Variants in TMEM163 observed in about 807,000 individuals in gnomAD.
The protein encoded by TMEM163 is transmembrane protein 163.
TMEM163 carries 17 observed loss-of-function variants against 29.3 expected under a neutral mutation model. The observed-to-expected ratio is 0.58, with a 90% confidence interval of 0.40 to 0.87. The LOEUF (loss-of-function observed/expected upper bound fraction) is 0.87, where lower values mean the gene tolerates loss of function less well. Ranked by LOEUF, TMEM163 falls within the 40% of genes least tolerant of loss-of-function variation. TMEM163 has a pLI of 0.00. For synonymous variants in TMEM163, 157 were observed against 160.6 expected, an observed-to-expected ratio of 0.98 and a Z score of 0.17; for missense variants, 303 against 381.5, an observed-to-expected ratio of 0.79 and a Z score of 1.71.
At chr2:134,618,344 C>G (rs575133434) in intron 2 of TMEM163, among the ~76,000 whole-genome samples, 80 of 152,032 alleles carry the variant, frequency 5.3e-4, no homozygotes, top group African/African-American at 1.8e-3. Context: ...TCAAAAGGGT[C>G]AATACATAAG....
intron 4 of TMEM163, among the ~76,000 whole-genome samples, chr2:134,525,901 G>T (rs1004650651): frequency 6.6e-6 from 1 of 152,224 alleles, no homozygotes; most frequent in Non-Finnish European, 1.5e-5. Context: ...AGATAAGTTA[G>T]GTGGAAGGCA....
chr2:134,706,858 G>A (rs923006725), intron 2 of TMEM163, among the ~76,000 whole-genome samples: 6 of 152,206 alleles, frequency 3.9e-5, no homozygotes, highest in African/African-American at 1.2e-4. Context: ...TCCGTACTCC[G>A]TGTGCTGTCT....
At chr2:134,458,983 T>C (rs747484759) in intron 6 of TMEM163, 1 of 152,060 alleles carries the variant, frequency 6.6e-6, no homozygotes, top group African/African-American at 2.4e-5. Context: ...TTACCAGAGC[T>C]GTCAAAGGCC....
At chr2:134,642,107 G>T (rs1683235004) in intron 2 of TMEM163, among the ~76,000 whole-genome samples, 1 of 151,912 alleles carries the variant, frequency 6.6e-6, no homozygotes, top group Non-Finnish European at 1.5e-5. Context: ...GAAAAAGATT[G>T]GTTATTAAGA....
intron 2 of TMEM163, among the ~76,000 whole-genome samples, chr2:134,701,663 A>C (rs1053599594): frequency 2.0e-5 from 3 of 152,154 alleles, no homozygotes; most frequent in Admixed American, 6.5e-5. Context: ...TAATCCCTGC[A>C]CTTTGGGAGG....
intron 2 of TMEM163, among the ~76,000 whole-genome samples, chr2:134,698,937 C>T (rs1345463171): frequency 6.6e-6 from 1 of 152,164 alleles, no homozygotes; most frequent in Non-Finnish European, 1.5e-5. Flanking sequence ...TTATTGGATG[C>T]ATGGCTCCAC....
chr2:134,688,731 G>T (rs2104881291), intron 2 of TMEM163, among the ~76,000 whole-genome samples: 1 of 152,272 alleles, frequency 6.6e-6, no homozygotes, highest in African/African-American at 2.4e-5. Context: ...TATTAATCCT[G>T]TTCTAATGTC....
At chr2:134,662,024 C>T (rs1055448517) in intron 2 of TMEM163, among the ~76,000 whole-genome samples, 2 of 151,058 alleles carry the variant, frequency 1.3e-5, no homozygotes, top group East Asian at 1.9e-4. Context: ...CTCCACCTCC[C>T]GGGTTTACTT....
At chr2:134,567,034 T>C (rs2104781728) in intron 2 of TMEM163, among the ~76,000 whole-genome samples, 1 of 152,332 alleles carries the variant, frequency 6.6e-6, no homozygotes, top group South Asian at 2.1e-4. Flanking sequence ...AAATTCCAGA[T>C]GATTTCCTCA....
chr2:134,585,614 C>T (rs561128730), intron 2 of TMEM163, among the ~76,000 whole-genome samples: 8 of 152,168 alleles, frequency 5.3e-5, no homozygotes, highest in South Asian at 2.1e-4. Flanking sequence ...CGGTGGCGGG[C>T]ACCTGTAGTC....
chr2:134,530,488 ACTGGTCTCAAACTC>A (rs1680394742), intron 4 of TMEM163, among the ~76,000 whole-genome samples: 1 of 151,988 alleles, frequency 6.6e-6, no homozygotes, highest in South Asian at 2.1e-4. Flanking sequence ...TGTTGCCCAG[ACTGGTCTCAAACTC>A]CTAGGCTCAA....
At chr2:134,648,021 A>G (rs1429822975) in intron 2 of TMEM163, among the ~76,000 whole-genome samples, 2 of 152,252 alleles carry the variant, frequency 1.3e-5, no homozygotes, top group Non-Finnish European at 2.9e-5. Flanking sequence ...TCAGCGTGAC[A>G]GCCTTTTGCA....
chr2:134,513,001 G>A (rs1345158740), intron 4 of TMEM163, among the ~76,000 whole-genome samples: 1 of 152,220 alleles, frequency 6.6e-6, no homozygotes, highest in Non-Finnish European at 1.5e-5. Context: ...AGGTAAGGAT[G>A]TGGCAAATGA....
chr2:134,522,232 C>G (rs1392045418), intron 4 of TMEM163, among the ~76,000 whole-genome samples: 1 of 152,232 alleles, frequency 6.6e-6, no homozygotes, highest in African/African-American at 2.4e-5. Context: ...GGCACAATTA[C>G]TGCCAGGCCA....
intron 2 of TMEM163, among the ~76,000 whole-genome samples, chr2:134,580,740 C>T (rs1393865580): frequency 6.6e-6 from 1 of 152,150 alleles, no homozygotes; most frequent in Non-Finnish European, 1.5e-5. Flanking sequence ...GGTGAAACCC[C>T]ATCTGTACCA....
chr2:134,640,759 A>T (rs1235706326), intron 2 of TMEM163, among the ~76,000 whole-genome samples: 1 of 152,200 alleles, frequency 6.6e-6, no homozygotes, highest in Non-Finnish European at 1.5e-5. Context: ...GCCAAGCTCC[A>T]TCCCCATAGC....
intron 2 of TMEM163, among the ~76,000 whole-genome samples, chr2:134,590,973 G>A (rs1681923395): frequency 6.6e-6 from 1 of 152,190 alleles, no homozygotes; most frequent in Non-Finnish European, 1.5e-5. Context: ...GCCCAGACAT[G>A]CCTGCAATGG....
intron 2 of TMEM163, among the ~76,000 whole-genome samples, chr2:134,574,253 G>A (rs921873843): frequency 1.3e-5 from 2 of 152,142 alleles, no homozygotes; most frequent in Non-Finnish European, 2.9e-5. Context: ...TAGGACATAG[G>A]CTCTATTCAA....
At chr2:134,554,018 A>T (rs1680991597) in intron 2 of TMEM163, among the ~76,000 whole-genome samples, 1 of 152,226 alleles carries the variant, frequency 6.6e-6, no homozygotes, top group South Asian at 2.1e-4. Flanking sequence ...TTCCCTTTAC[A>T]ACCTGTTTTT....
Sources: allele counts gnomAD v4.1 joint callset (sites outside exome capture counted in the v4.1 genomes callset), GRCh38; gene constraint gnomAD v4.1.1; transcripts MANE v1.5; gene names NCBI Gene and HGNC (gene_info 2026-07-23, HGNC 2026-07-21).